OSBPL11: variants seen among roughly 807,000 people sequenced by gnomAD.
OSBPL11 encodes oxysterol-binding protein-related protein 11.
OSBPL11 carries 33 observed loss-of-function variants against 84.4 expected under a neutral mutation model. The ratio of observed to expected loss-of-function variants is 0.39; its 90% CI spans 0.30 to 0.52. The LOEUF (loss-of-function observed/expected upper bound fraction) is 0.52, where lower values mean the gene tolerates loss of function less well. Ranked by LOEUF, OSBPL11 falls within the 20% of genes least tolerant of loss-of-function variation. The probability of loss-of-function intolerance (pLI) is 0.72; values close to 1 mark genes in which losing one functional copy is unlikely to be tolerated. For synonymous variants in OSBPL11, 276 were observed against 310.2 expected, an observed-to-expected ratio of 0.89 and a Z score of 1.16; for missense variants, 736 against 901.1, an observed-to-expected ratio of 0.82 and a Z score of 2.35.
chr3:125,536,295 C>T (rs1436358042), intron 11 of OSBPL11, among the ~76,000 whole-genome samples: 1 of 152,104 alleles, frequency 6.6e-6, no homozygotes, highest in African/African-American at 2.4e-5. Flanking sequence ...TTAAGAATGT[C>T]AATATTTTTT....
At chr3:125,542,734 TCTC>T (rs1935750714) in intron 10 of OSBPL11, among the ~76,000 whole-genome samples, 1 of 152,086 alleles carries the variant, frequency 6.6e-6, no homozygotes, top group African/African-American at 2.4e-5. Flanking sequence ...ATGGTCTCGA[TCTC>T]CTGATCTTGT....
At chr3:125,534,585 TAA>T (rs745764119) in intron 11 of OSBPL11, among the ~76,000 whole-genome samples, 1 of 140,354 alleles carries the variant, frequency 7.1e-6, no homozygotes, top group African/African-American at 2.6e-5. Context: ...GTTCATGAGT[TAA>T]AAAAAAAAAA....
chr3:125,560,291 T>C, intron 8 of OSBPL11, 88 bp downstream of exon 8: 1 of 1,188,924 alleles, frequency 8.4e-7, no homozygotes, highest in Non-Finnish European at 1.1e-6. Flanking sequence ...ATTTAAAAAG[T>C]AAATAAATAA....
intron 11 of OSBPL11, among the ~76,000 whole-genome samples, chr3:125,535,357 A>C (rs1935625544): frequency 1.3e-5 from 2 of 151,980 alleles, no homozygotes; most frequent in African/African-American, 4.8e-5. Flanking sequence ...TCCCCTAAAG[A>C]AAAGAACAGA....
chr3:125,556,852 C>G (rs575451588), intron 8 of OSBPL11, among the ~76,000 whole-genome samples: 22 of 152,266 alleles, frequency 1.4e-4, no homozygotes, highest in Admixed American at 7.2e-4. Flanking sequence ...AAGTAGAGGA[C>G]TATAAATTAG....
intron 5 of OSBPL11, among the ~76,000 whole-genome samples, chr3:125,572,723 G>T (rs1190084970): frequency 6.6e-6 from 1 of 151,534 alleles, no homozygotes; most frequent in Non-Finnish European, 1.5e-5. Flanking sequence ...ATGTGGAACT[G>T]TAAGTCCATC....
intron 11 of OSBPL11, among the ~76,000 whole-genome samples, chr3:125,536,874 C>G (rs1335226922): frequency 2.0e-5 from 3 of 152,028 alleles, no homozygotes; most frequent in Non-Finnish European, 4.4e-5. Context: ...AAGACATGTA[C>G]TCGGCCAGGC....
At chr3:125,587,575 G>T (rs992485586) in intron 1 of OSBPL11, among the ~76,000 whole-genome samples, 1 of 152,148 alleles carries the variant, frequency 6.6e-6, no homozygotes, top group Non-Finnish European at 1.5e-5. Context: ...GAAGAAATCA[G>T]GAACAACTGA....
In OSBPL11 at chr3:125,547,529, C is replaced by T. The variant is rs749695944; in HGVS notation, c.1718G>A (p.Arg573Gln). 16 of 1,613,552 alleles carry T rather than the reference C, an allele frequency of 9.9e-6. No homozygotes were observed. Among genetic ancestry groups the T allele is most frequent in the East Asian group, 4.5e-5 (2 of 44,880 alleles). The change falls in exon 10 of 13, where the codon CGG becomes CAG. Residue 573 changes from arginine (R) to glutamine (Q), a missense_variant. By Grantham distance (43) the Arg-to-Gln change is conservative. Transcript: ENST00000296220. ...YTFSLPCAYA[R>Q]SILTVPWVEL... ...TACCCAAGGAACAGTCAAAATTGAC[C>T]GAGCATATGCACAGGGTAGAGAAAA... is the stretch of plus-strand genomic sequence containing the variant.
intron 11 of OSBPL11, among the ~76,000 whole-genome samples, chr3:125,532,577 C>CAAA (rs371653670): frequency 2.4e-4 from 13 of 53,988 alleles, no homozygotes; most frequent in African/African-American, 7.5e-4. Flanking sequence ...AAATCTCAAG[C>CAAA]AAAAAAAAAA....
chr3:125,591,807 G>A lies in OSBPL11; in HGVS notation c.164+2830C>T, dbSNP rs551862258. 3.9e-5 allele frequency among the ~76,000 whole-genome samples: 6 copies of A among 152,212 alleles called. No homozygotes were observed. In the South Asian group the frequency reaches 1.0e-3, roughly 26 times the overall value. On this transcript the variant is annotated intron_variant, in intron 1 of 12. Coordinates refer to ENST00000296220, the MANE Select transcript of OSBPL11 (RefSeq NM_022776.5). ...AGATAGATTAAAAAGTTAAATATGAGCCTGGGCAACATCGCAAGATCCTGC... is the reference window on the plus strand; with the variant it reads ...AGATAGATTAAAAAGTTAAATATGAACCTGGGCAACATCGCAAGATCCTGC...
At chr3:125,530,791 T>A (rs1935544379) in intron 12 of OSBPL11, among the ~76,000 whole-genome samples, 2 of 152,212 alleles carry the variant, frequency 1.3e-5, no homozygotes, top group Admixed American at 1.3e-4. Context: ...TGGGAGGATC[T>A]AGTTTGTGAC....
In OSBPL11 at chr3:125,567,574, G is replaced by T; in HGVS notation, c.688C>A (p.Gln230Lys). ...VREMMSHAEG[Q>K]QRDLIRRIEC... is the part of the protein sequence containing the mutation. The stretch of plus-strand genomic sequence containing the variant: ...ATTCGTCTAATTAAGTCTCTTTGTT[G>T]TCCTTCAGCATGAGACATCATCTAA... The change falls in exon 6 of 13, where the codon CAA (glutamine) becomes AAA (lysine). Residue 230 changes from glutamine to lysine, a missense_variant. Around this residue, in one of 3 missense-constraint regions of OSBPL11, gnomAD observed 579 missense variants for 717.6 expected, o/e 0.81. Transcript: ENST00000296220. 1.9e-6 allele frequency: 3 copies of T among 1,614,020 alleles called. No homozygotes were observed. Among genetic ancestry groups the T allele is most frequent in the East Asian group, 2.2e-5 (1 of 44,882 alleles).
At chr3:125,588,639 C>T (rs112341136) in intron 1 of OSBPL11, among the ~76,000 whole-genome samples, 30 of 152,200 alleles carry the variant, frequency 2.0e-4, no homozygotes, top group African/African-American at 7.2e-4. Context: ...TCCCAAAAGG[C>T]TTAGCACTTT....
chr3:125,535,938 G>A (rs1935634840), intron 11 of OSBPL11, among the ~76,000 whole-genome samples: 1 of 150,734 alleles, frequency 6.6e-6, no homozygotes, highest in African/African-American at 2.4e-5. Context: ...TTCAAGACCA[G>A]CCTGACCAAC....
At chr3:125,578,912 A>G in intron 4 of OSBPL11, 48 bp downstream of exon 4, 41 of 1,146,288 alleles carry the variant, frequency 3.6e-5, no homozygotes, top group Non-Finnish European at 4.9e-5. Flanking sequence ...AATAAAAAAT[A>G]TTCCTTCCTC....
At chr3:125,581,695 C>CAAAAA (rs1189619626) in intron 2 of OSBPL11, among the ~76,000 whole-genome samples, 10 of 63,798 alleles carry the variant, frequency 1.6e-4, no homozygotes, top group Admixed American at 3.8e-4. Flanking sequence ...GACTCCATCT[C>CAAAAA]AAAAAAAAAA....
chr3:125,574,911 T>C (rs1936299257), intron 5 of OSBPL11, among the ~76,000 whole-genome samples: 2 of 152,318 alleles, frequency 1.3e-5, no homozygotes, highest in Admixed American at 6.5e-5. Flanking sequence ...TGGATTTTCA[T>C]GTAACAAAAT....
intron 6 of OSBPL11, among the ~76,000 whole-genome samples, chr3:125,566,711 T>C (rs1483491031): frequency 6.6e-6 from 1 of 152,088 alleles, no homozygotes; most frequent in Admixed American, 6.6e-5. Flanking sequence ...TCCCGTGCAA[T>C]AACATTTCCC....
Sources: gnomAD v4.1 joint callset for allele counts (sites outside exome capture counted in the v4.1 genomes callset) on GRCh38, gnomAD v4.1.1 for gene constraint, gnomAD v4.1.1 regional missense constraint, MANE v1.5 for transcripts, NCBI Gene and HGNC (gene_info 2026-07-23, HGNC 2026-07-21) for gene names.